The following CACNB4 variants were observed in gnomAD, a reference collection of about 807,000 sequenced individuals.
CACNB4 encodes the protein calcium voltage-gated channel auxiliary subunit beta 4.
CACNB4 carries 32 observed loss-of-function variants against 71.2 expected under a neutral mutation model. That is an observed-to-expected ratio of 0.45 (90% CI 0.34 to 0.60). The LOEUF (loss-of-function observed/expected upper bound fraction) is 0.60, where lower values mean the gene tolerates loss of function less well. CACNB4 is among the 20% of genes least tolerant of loss of function. CACNB4 has a pLI of 0.01. For synonymous variants in CACNB4, 231 were observed against 236.9 expected (o/e 0.97, Z 0.23); for missense variants, 464 against 647.9 (o/e 0.72, Z 3.08).
At chr2:152,045,621 A>T (rs922194234) in intron 2 of CACNB4, among the ~76,000 whole-genome samples, 54 of 12,172 alleles carry the variant, frequency 4.4e-3, no homozygotes, top group Admixed American at 0.01. Flanking sequence ...CACATTTTAA[A>T]AAAAAAAAGA....
chr2:151,883,537 T>A, intron 2 of CACNB4, 167 bp from the exon 3 acceptor site: 1 of 668,380 alleles, frequency 1.5e-6, no homozygotes, highest in Non-Finnish European at 2.6e-6. Context: ...GTTAAGCATC[T>A]GAGTTATTCG....
At chr2:152,024,718 T>G (rs1683869206) in intron 2 of CACNB4, among the ~76,000 whole-genome samples, 1 of 152,228 alleles carries the variant, frequency 6.6e-6, no homozygotes, top group Non-Finnish European at 1.5e-5. Flanking sequence ...CTTAGGGACT[T>G]GCCATTGTTT....
intron 2 of CACNB4, among the ~76,000 whole-genome samples, chr2:151,907,871 G>A (rs938823241): frequency 7.9e-5 from 12 of 152,170 alleles, no homozygotes; most frequent in African/African-American, 2.9e-4. Flanking sequence ...TTTCAATCAG[G>A]TCAGCACACA....
chr2:151,961,184 G>A (rs966993311), intron 2 of CACNB4, among the ~76,000 whole-genome samples: 12 of 152,126 alleles, frequency 7.9e-5, no homozygotes, highest in Admixed American at 6.5e-4. Context: ...TATTATATGT[G>A]GTGGGAATCA....
chr2:151,867,035 T>C (rs2099843329), intron 9 of CACNB4: 1 of 152,222 alleles, frequency 6.6e-6, no homozygotes, highest in African/African-American at 2.4e-5. Context: ...GAACATCAGA[T>C]TCTTCATTCT....
At chr2:151,896,962 GCC>G (rs1261218190) in intron 2 of CACNB4, among the ~76,000 whole-genome samples, 3 of 152,192 alleles carry the variant, frequency 2.0e-5, no homozygotes, top group Admixed American at 6.5e-5. Flanking sequence ...TGGCTCTAAA[GCC>G]CTTGCTAATT....
chr2:152,003,138 T>C (rs1018989335), intron 2 of CACNB4, among the ~76,000 whole-genome samples: 14 of 152,194 alleles, frequency 9.2e-5, no homozygotes, highest in Non-Finnish European at 1.6e-4. Context: ...TGCTTTATTA[T>C]CCAGATTTTA....
At chr2:151,840,961 C>G (rs2099836063) in intron 13 of CACNB4, among the ~76,000 whole-genome samples, 1 of 152,168 alleles carries the variant, frequency 6.6e-6, no homozygotes, top group Admixed American at 6.5e-5. Context: ...CTCTGGTTCC[C>G]TATCTCTACC....
chr2:151,987,851 A>G (rs1011077565), intron 2 of CACNB4, among the ~76,000 whole-genome samples: 4 of 152,184 alleles, frequency 2.6e-5, no homozygotes, highest in Non-Finnish European at 5.9e-5. Flanking sequence ...TCCATTTCCA[A>G]TGACAATATC....
rs1202241979 is a variant in CACNB4 at position 152,098,907 on chromosome 2, A to T, written c.63+42T>A. Reference sequence around the variant, plus strand: ...TAGGGCGGCGGAGGAGGTGTGAGGAAGGAAGAGGAGGAAGAGGAGAAGGGG... The same window carrying T: ...TAGGGCGGCGGAGGAGGTGTGAGGATGGAAGAGGAGGAAGAGGAGAAGGGG... On this transcript the variant is annotated intron_variant, in intron 1 of 13. Coordinates refer to ENST00000539935, the MANE Select transcript of CACNB4 (RefSeq NM_000726.5). The surrounding 1 kb of genome is among the most constrained non-coding windows in gnomAD (Gnocchi z 5.3). 1 of 1,160,498 alleles carries T rather than the reference A, an allele frequency of 8.6e-7. No individual in the cohort carries two copies. Among genetic ancestry groups the T allele is most frequent in the Admixed American group, 3.2e-5 (1 of 31,006 alleles). The allele number at this position is 1,160,498 out of a possible 1,614,324, so 71.9% of individuals were successfully genotyped here. A position where few individuals can be genotyped will look rare whatever the true frequency, so the allele number is the denominator to read the frequency against.
intron 9 of CACNB4, among the ~76,000 whole-genome samples, chr2:151,862,556 A>T (rs2151381048): frequency 1.3e-5 from 2 of 152,354 alleles, no homozygotes; most frequent in Admixed American, 1.3e-4. Flanking sequence ...TGAGGACTAA[A>T]GGGAGGTTCA....
intron 2 of CACNB4, among the ~76,000 whole-genome samples, chr2:151,896,471 A>G (rs2099852094): frequency 6.6e-6 from 1 of 152,178 alleles, no homozygotes; most frequent in Non-Finnish European, 1.5e-5. Context: ...TTGTCACAAG[A>G]CATGCACCCT....
intron 2 of CACNB4, among the ~76,000 whole-genome samples, chr2:152,041,752 C>G (rs1326869092): frequency 6.6e-6 from 1 of 152,200 alleles, no homozygotes; most frequent in Non-Finnish European, 1.5e-5. Context: ...TCTCTTTCTT[C>G]TTCCAAAACC....
At chr2:152,081,700 C>G (rs747042113) in intron 2 of CACNB4, among the ~76,000 whole-genome samples, 4 of 152,048 alleles carry the variant, frequency 2.6e-5, no homozygotes, top group Non-Finnish European at 4.4e-5. Context: ...TCCCAAAGGC[C>G]GCACCTCCAA....
intron 8 of CACNB4, 57 bp from the exon 9 acceptor site, chr2:151,869,292 A>C: frequency 9.9e-7 from 1 of 1,010,194 alleles, no homozygotes; most frequent in Non-Finnish European, 1.5e-6. Context: ...GAGAGAGAGA[A>C]GTCAAAAGGG....
intron 2 of CACNB4, among the ~76,000 whole-genome samples, chr2:152,025,973 AAAGAGG>A (rs1394986422): frequency 6.6e-6 from 1 of 152,202 alleles, no homozygotes; most frequent in African/African-American, 2.4e-5. Flanking sequence ...CGTGTTTAGT[AAAGAGG>A]ATGTGAGAAC....
At chr2:151,895,705 C>A (rs529920028) in intron 2 of CACNB4, among the ~76,000 whole-genome samples, 1 of 151,848 alleles carries the variant, frequency 6.6e-6, no homozygotes, top group South Asian at 2.1e-4. Flanking sequence ...CTTAAGATTA[C>A]CTGCATTAAC....
chr2:152,081,395 G>A (rs1269701780), intron 2 of CACNB4, among the ~76,000 whole-genome samples: 1 of 152,096 alleles, frequency 6.6e-6, no homozygotes, highest in Non-Finnish European at 1.5e-5. Context: ...GTGCATGCCT[G>A]TAATCCTAGC....
intron 2 of CACNB4, among the ~76,000 whole-genome samples, chr2:151,993,260 T>C (rs1469897749): frequency 6.6e-6 from 1 of 152,088 alleles, no homozygotes; most frequent in Non-Finnish European, 1.5e-5. Flanking sequence ...GAAACACTCC[T>C]TGAGACAAAG....
Sources: allele counts gnomAD v4.1 joint callset (sites outside exome capture counted in the v4.1 genomes callset), GRCh38; gene constraint gnomAD v4.1.1; non-coding constraint Gnocchi (gnomAD v3.1); transcripts MANE v1.5; gene names NCBI Gene and HGNC (gene_info 2026-07-23, HGNC 2026-07-21).